Variants in SERINC5 observed in about 807,000 individuals in gnomAD.
The protein encoded by SERINC5 is chromosome 5 open reading frame 12.
Under a neutral mutation model 63.1 loss-of-function variants are expected in SERINC5, and 41 were observed. The observed-to-expected ratio is 0.65, with a 90% CI of 0.51 to 0.84. The LOEUF is 0.84. Among genes scored for constraint, SERINC5 ranks in the 40% least tolerant of loss-of-function variants. SERINC5 has a pLI of 0.00. For missense variants in SERINC5, 523 were observed against 573.0 expected (o/e 0.91, Z 0.89); for synonymous variants, 222 against 215.2 (o/e 1.03, Z -0.28).
At chr5:80,244,678 C>A (rs1270961971) in intron 1 of SERINC5, among the ~76,000 whole-genome samples, 1 of 151,886 alleles carries the variant, frequency 6.6e-6, no homozygotes, top group Non-Finnish European at 1.5e-5. Flanking sequence ...AAAAATTAGC[C>A]GGGCCTAGTG....
intron 1 of SERINC5, among the ~76,000 whole-genome samples, chr5:80,213,755 C>G (rs1479627924): frequency 6.6e-6 from 1 of 152,154 alleles, no homozygotes; most frequent in African/African-American, 2.4e-5. Context: ...GCTCAACCAC[C>G]GCAATCACCA....
intron 4 of SERINC5, among the ~76,000 whole-genome samples, chr5:80,175,887 G>T (rs1334027597): frequency 2.2e-4 from 10 of 46,380 alleles, no homozygotes; most frequent in Admixed American, 8.7e-4. Flanking sequence ...AAAAAAAAAG[G>T]ACTGAGCTTG....
chr5:80,255,777 A>T, intron 1 of SERINC5, 119 bp downstream of exon 1: 1 of 1,043,942 alleles, frequency 9.6e-7, no homozygotes, highest in Non-Finnish European at 1.4e-6. Context: ...CGAGCGACCC[A>T]CCCGGGCCCT....
intron 9 of SERINC5, 62 bp from the exon 10 acceptor site, chr5:80,147,346 A>T (rs7712447): frequency 1.2e-5 from 18 of 1,550,234 alleles, no homozygotes; most frequent in Non-Finnish European, 1.6e-5. Flanking sequence ...CCTCAGCAAG[A>T]CAACAGTAAC....
At chr5:80,204,064 G>C (rs1282489389) in intron 1 of SERINC5, among the ~76,000 whole-genome samples, 1 of 152,214 alleles carries the variant, frequency 6.6e-6, no homozygotes, top group Non-Finnish European at 1.5e-5. Flanking sequence ...AACTCCAAGG[G>C]AACGATGCTC....
chr5:80,235,792 T>C (rs990863656), intron 1 of SERINC5, among the ~76,000 whole-genome samples: 1 of 152,182 alleles, frequency 6.6e-6, no homozygotes, highest in Non-Finnish European at 1.5e-5. Flanking sequence ...TAAGTAAGAT[T>C]GAGCATTTTC....
chr5:80,226,044 A>T (rs1223635419), intron 1 of SERINC5, among the ~76,000 whole-genome samples: 1 of 23,354 alleles, frequency 4.3e-5, no homozygotes, highest in African/African-American at 2.7e-4. Flanking sequence ...TCCCCAAAGG[A>T]AAAAAAAAAA....
chr5:80,178,192 G>T, intron 2 of SERINC5, 128 bp from the exon 3 acceptor site: 1 of 542,208 alleles, frequency 1.8e-6, no homozygotes, highest in Non-Finnish European at 3.2e-6. Context: ...AACAGACTGA[G>T]GATCTATCTT....
chr5:80,252,657 G>T (rs1322362819), intron 1 of SERINC5, among the ~76,000 whole-genome samples: 1 of 152,178 alleles, frequency 6.6e-6, no homozygotes, highest in Non-Finnish European at 1.5e-5. Flanking sequence ...TAAGATTTGG[G>T]GGGTTCCTCA....
intron 2 of SERINC5, among the ~76,000 whole-genome samples, chr5:80,192,095 A>G (rs953527230): frequency 2.6e-5 from 4 of 152,218 alleles, no homozygotes; most frequent in African/African-American, 9.6e-5. Context: ...TGCACTACAA[A>G]GGCGAGAGCT....
Position 80,141,583 on chromosome 5 carries a change from C to T in SERINC5, c.*2080G>A. The T allele has an allele frequency of 1.0e-6, 1 of 985,550 alleles. No homozygotes were observed. Among genetic ancestry groups the T allele is most frequent in the South Asian group, 4.7e-5 (1 of 21,284 alleles). 61.1% of individuals were successfully genotyped at this position (985,550 alleles called of 1,614,324 possible). ...GTCACAATACTGCCCAGGCTCTTTA[C>T]CTGCTTCCCCTCAGGGTGTTTCCTA... On this transcript the variant is annotated 3_prime_UTR_variant, in exon 12 of 12. Coordinates refer to ENST00000507668, the MANE Select transcript of SERINC5 (RefSeq NM_001174072.3).
At chr5:80,153,389 C>CA (rs1746309919) in intron 8 of SERINC5, among the ~76,000 whole-genome samples, 1 of 150,750 alleles carries the variant, frequency 6.6e-6, no homozygotes, top group Non-Finnish European at 1.5e-5. Flanking sequence ...ACCCGGGAGG[C>CA]AGATGTTGCA....
chr5:80,196,592 A>G (rs935075811), intron 2 of SERINC5, among the ~76,000 whole-genome samples: 3 of 152,218 alleles, frequency 2.0e-5, no homozygotes, highest in Non-Finnish European at 2.9e-5. Flanking sequence ...TGTTCACAGG[A>G]GCATAATTTA....
At chr5:80,155,596 G>A (rs1311073579) in intron 8 of SERINC5, among the ~76,000 whole-genome samples, 2 of 131,540 alleles carry the variant, frequency 1.5e-5, no homozygotes, top group African/African-American at 6.2e-5. Context: ...AAGAAAGAAG[G>A]AGAGAGAGAG....
downstream of SERINC5, among the ~76,000 whole-genome samples, chr5:80,136,522 CAT>C (rs1293692627): frequency 6.6e-6 from 1 of 152,016 alleles, no homozygotes; most frequent in African/African-American, 2.4e-5. Context: ...TATTTCATAC[CAT>C]ATTAAAAAAT....
chr5:80,198,862 T>C (rs1580155480), intron 2 of SERINC5, among the ~76,000 whole-genome samples: 1 of 152,186 alleles, frequency 6.6e-6, no homozygotes, highest in African/African-American at 2.4e-5. Flanking sequence ...AAACCATTTG[T>C]AAATAGGTAC....
chr5:80,174,922 G>A (rs977237384), intron 5 of SERINC5, 32 bp downstream of exon 5: 44 of 1,497,594 alleles, frequency 2.9e-5, no homozygotes, highest in Non-Finnish European at 3.8e-5. Flanking sequence ...GTTTCTGTGA[G>A]TCAATGGGAA....
At chr5:80,164,312 C>T (rs1747128872) in intron 7 of SERINC5, among the ~76,000 whole-genome samples, 1 of 146,142 alleles carries the variant, frequency 6.8e-6, no homozygotes, top group African/African-American at 2.6e-5. Flanking sequence ...TTTGTTGATC[C>T]TCTGTATTGT....
At position 80,150,836 on chromosome 5, in the gene SERINC5, T is replaced by C. The variant is rs139877858; in HGVS notation, c.1053+46A>G. On this transcript the variant is annotated intron_variant, in intron 9 of 11. Transcript: ENST00000507668. ...AAACACAAAAGGCCCTCCTGAGAAA[T>C]GGATCTTCTGAGATGAAGCAGGACA... is the stretch of plus-strand genomic sequence containing the variant. The C allele has an allele frequency of 3.0e-3, 4,046 of 1,348,614 alleles. 95 individuals carry two copies. The African/African-American group carries it at 0.047, about 16-fold the overall frequency. 83.5% of individuals were successfully genotyped at this position (1,348,614 alleles called of 1,614,324 possible).
Sources: gnomAD v4.1 joint callset for allele counts (sites outside exome capture counted in the v4.1 genomes callset) on GRCh38, gnomAD v4.1.1 for gene constraint, MANE v1.5 for transcripts, NCBI Gene and HGNC (gene_info 2026-07-23, HGNC 2026-07-21) for gene names.